Variants in NCAM2 observed in about 807,000 individuals in gnomAD.
NCAM2 encodes the protein N-CAM-2.
NCAM2 carries 30 observed loss-of-function variants against 98.1 expected under a neutral mutation model. The ratio of observed to expected loss-of-function variants is 0.31; its 90% CI spans 0.23 to 0.41. The LOEUF is 0.41. NCAM2 is among the 10% of genes least tolerant of loss of function. NCAM2 has a pLI of 1.00. For missense variants in NCAM2, 867 were observed against 1,005.8 expected, an observed-to-expected ratio of 0.86 and a Z score of 1.87; for synonymous variants, 368 against 342.4, an observed-to-expected ratio of 1.07 and a Z score of -0.83.
At chr21:21,494,903 G>A (rs1987110101) in intron 15 of NCAM2, among the ~76,000 whole-genome samples, 1 of 12,414 alleles carries the variant, frequency 8.1e-5, no homozygotes, top group Non-Finnish European at 6.9e-4. Flanking sequence ...TTTGTTTTTA[G>A]CCAATTTTTT....
chr21:21,079,882 A>G (rs1161458898), intron 1 of NCAM2, among the ~76,000 whole-genome samples: 2 of 152,214 alleles, frequency 1.3e-5, no homozygotes, highest in Non-Finnish European at 2.9e-5. Flanking sequence ...TACATGAAAC[A>G]TCTGTTTTCT....
chr21:21,195,784 A>G lies in NCAM2; in HGVS notation c.56-84794A>G, dbSNP rs538987953. 1.4e-3 allele frequency among the ~76,000 whole-genome samples: 215 copies of G among 152,334 alleles called. 3 individuals carry two copies. The highest frequency in any genetic ancestry group is 5.0e-3 in the African/African-American group (206 of 41,594). Reference sequence around the variant, plus strand: ...TTGCTGTAGCTGTAATGCACACTCCAAAGTGTAAAAATGAAATGTTAGTCA... The same window carrying G: ...TTGCTGTAGCTGTAATGCACACTCCGAAGTGTAAAAATGAAATGTTAGTCA... On this transcript the variant is annotated intron_variant, in intron 1 of 17. Coordinates refer to ENST00000400546, the MANE Select transcript of NCAM2 (RefSeq NM_004540.5).
At chr21:21,529,142 C>G (rs971495128) in intron 16 of NCAM2, among the ~76,000 whole-genome samples, 5 of 151,984 alleles carry the variant, frequency 3.3e-5, no homozygotes, top group Admixed American at 1.3e-4. Flanking sequence ...CATTCATCCC[C>G]CCTTATGAAA....
At chr21:21,349,601 A>T (rs1231489877) in intron 8 of NCAM2, among the ~76,000 whole-genome samples, 1 of 152,226 alleles carries the variant, frequency 6.6e-6, no homozygotes, top group African/African-American at 2.4e-5. Context: ...AAGAAAGGAA[A>T]TCAGTACAAC....
intron 1 of NCAM2, among the ~76,000 whole-genome samples, chr21:21,234,797 G>C (rs1055327438): frequency 6.6e-6 from 1 of 151,896 alleles, no homozygotes; most frequent in African/African-American, 2.4e-5. Context: ...TACGAGAAAT[G>C]CCTGACCAAC....
chr21:21,299,183 A>T (rs1329433721), intron 5 of NCAM2, among the ~76,000 whole-genome samples: 2 of 151,658 alleles, frequency 1.3e-5, no homozygotes, highest in Non-Finnish European at 2.9e-5. Flanking sequence ...CTTTGGAGAG[A>T]CATTCATGGG....
chr21:21,150,034 A>T (rs1311098474), intron 1 of NCAM2, among the ~76,000 whole-genome samples: 1 of 152,142 alleles, frequency 6.6e-6, no homozygotes, highest in Non-Finnish European at 1.5e-5. Context: ...TCCCACCAAC[A>T]GTGTAAAAGC....
intron 1 of NCAM2, among the ~76,000 whole-genome samples, chr21:21,141,459 G>A (rs2067166916): frequency 6.6e-6 from 1 of 152,044 alleles, no homozygotes; most frequent in Non-Finnish European, 1.5e-5. Flanking sequence ...CAATGATATG[G>A]TTACCAGTGA....
At chr21:21,454,240 A>G (rs1981783989) in intron 12 of NCAM2, among the ~76,000 whole-genome samples, 1 of 143,970 alleles carries the variant, frequency 6.9e-6, no homozygotes, top group South Asian at 2.1e-4. Flanking sequence ...TGAGAATATA[A>G]TCACAAAAAT....
chr21:21,396,590 G>A (rs138760279), intron 9 of NCAM2, among the ~76,000 whole-genome samples: 1 of 151,744 alleles, frequency 6.6e-6, no homozygotes, highest in East Asian at 1.9e-4. Flanking sequence ...GTGGGGAGTG[G>A]TGAGGGGTGT....
At chr21:21,477,679 T>G (rs1985343046) in intron 15 of NCAM2, among the ~76,000 whole-genome samples, 1 of 152,032 alleles carries the variant, frequency 6.6e-6, no homozygotes, top group African/African-American at 2.4e-5. Flanking sequence ...TTGACCCCAT[T>G]AATAGTTGGA....
rs138812597 is a variant in NCAM2, at chr21:21,078,361, T to C, written c.55+79743T>C. ...CAGATGTAGCCAAAGGTGAAGAAGA[T>C]TGTAATATTCACAAACACCTCTTTA... On this transcript the variant is annotated intron_variant, in intron 1 of 17. Coordinates refer to ENST00000400546, the MANE Select transcript of NCAM2 (RefSeq NM_004540.5). Among the ~76,000 whole-genome samples, 954 of 152,334 alleles carry C rather than the reference T, an allele frequency of 6.3e-3. 29 individuals carry two copies. Among genetic ancestry groups the C allele is most frequent in the Admixed American group, 0.05 (761 of 15,304 alleles).
intron 1 of NCAM2, among the ~76,000 whole-genome samples, chr21:21,246,660 G>C (rs574818588): frequency 4.6e-5 from 7 of 152,044 alleles, no homozygotes. Flanking sequence ...GCAGTTTCTA[G>C]ATATTCTTAA....
At chr21:21,327,344 A>G (rs927827152) in intron 6 of NCAM2, among the ~76,000 whole-genome samples, 1 of 147,800 alleles carries the variant, frequency 6.8e-6, no homozygotes, top group African/African-American at 2.5e-5. Context: ...CTTTTCCCAT[A>G]TTTCTGGACA....
chr21:21,495,876 T>G (rs1237899891), intron 15 of NCAM2, among the ~76,000 whole-genome samples: 1 of 151,792 alleles, frequency 6.6e-6, no homozygotes, highest in Admixed American at 6.6e-5. Flanking sequence ...TCCCTCCTAT[T>G]TGCTAACCTC....
chr21:21,142,222 CCTGT>C (rs1168900671), intron 1 of NCAM2, among the ~76,000 whole-genome samples: 3 of 152,032 alleles, frequency 2.0e-5, no homozygotes, highest in African/African-American at 7.2e-5. Flanking sequence ...GGTAGTTTTT[CCTGT>C]CCATAGAGTA....
intron 1 of NCAM2, among the ~76,000 whole-genome samples, chr21:21,059,229 T>G (rs2065273556): frequency 6.6e-6 from 1 of 152,030 alleles, no homozygotes; most frequent in South Asian, 2.1e-4. Context: ...GGGAGAGGAC[T>G]AGATCCAAGC....
At chr21:21,131,011 T>A (rs1302088917) in intron 1 of NCAM2, among the ~76,000 whole-genome samples, 3 of 152,008 alleles carry the variant, frequency 2.0e-5, no homozygotes, top group Non-Finnish European at 4.4e-5. Context: ...ATTCATTAGA[T>A]TTTTTTTGTT....
chr21:21,198,248 C>T (rs2069085133), intron 1 of NCAM2, among the ~76,000 whole-genome samples: 1 of 142,754 alleles, frequency 7.0e-6, no homozygotes, highest in African/African-American at 2.6e-5. Flanking sequence ...GGTGATCTGT[C>T]CTTTCTAAAT....
Sources: allele counts gnomAD v4.1 joint callset (sites outside exome capture counted in the v4.1 genomes callset), GRCh38; gene constraint gnomAD v4.1.1; transcripts MANE v1.5; gene names NCBI Gene and HGNC (gene_info 2026-07-23, HGNC 2026-07-21).